FBLN5: variants seen among roughly 807,000 people sequenced by gnomAD.
FBLN5 encodes fibulin 5, also known as fibulin-5.
FBLN5 carries 24 observed loss-of-function variants against 61.6 expected under a neutral mutation model. The observed-to-expected ratio is 0.39, with a 90% CI of 0.28 to 0.55. The LOEUF (loss-of-function observed/expected upper bound fraction) is 0.55, where lower values mean the gene tolerates loss of function less well. Ranked by LOEUF, FBLN5 falls within the 20% of genes least tolerant of loss-of-function variation. The probability of loss-of-function intolerance (pLI) is 0.65; values close to 1 mark genes in which losing one functional copy is unlikely to be tolerated. For synonymous variants in FBLN5, 213 were observed against 219.8 expected, an observed-to-expected ratio of 0.97 and a Z score of 0.27; for missense variants, 470 against 594.1, an observed-to-expected ratio of 0.79 and a Z score of 2.17.
Position 91,891,317 on chromosome 14 carries a change from C to G in FBLN5, c.523G>C (p.Gly175Arg). The G allele has an allele frequency of 6.2e-7, 1 of 1,612,814 alleles. No individual in the cohort carries two copies. The highest frequency in any genetic ancestry group is 8.5e-7 in the Non-Finnish European group (1 of 1,178,830). The change falls in exon 6 of 11, where the codon GGT (glycine) becomes CGT (arginine). Residue 175 changes from glycine (G) to arginine (R), a missense_variant. Transcript: ENST00000342058. ...TTCGCACAGAGCTGCTGGCAGTAAC[C>G]ATAGCGACATTCATCAATGTCTGGA... ...QCLDIDECRY[G>R]YCQQLCANVP...
At position 91,909,119 on chromosome 14, in the gene FBLN5, G is replaced by A. The variant is rs867341860; in HGVS notation, c.380-14047C>T. 7.2e-5 allele frequency among the ~76,000 whole-genome samples: 11 copies of A among 151,948 alleles called. No homozygotes were observed. The East Asian group carries it at 7.7e-4, about 11-fold the overall frequency. On this transcript the variant is annotated intron_variant, in intron 4 of 10. Coordinates refer to ENST00000342058, the MANE Select transcript of FBLN5 (RefSeq NM_006329.4). ...TTTTTAGTAGAGATGGGGTTTCACC[G>A]TGTTAGCCAGGATGGTCTCAATCTC...
Position 91,895,029 on chromosome 14 carries a change from G to A in FBLN5, c.423C>T (p.Thr141=). 1 of 1,614,142 alleles carries A rather than the reference G, an allele frequency of 6.2e-7. No homozygotes were observed. Among genetic ancestry groups the A allele is most frequent in the Non-Finnish European group, 8.5e-7 (1 of 1,180,018 alleles). The change falls in exon 5 of 11, where the codon ACC becomes ACT. Residue 141 remains threonine, a synonymous_variant. Coordinates refer to ENST00000342058, the MANE Select transcript of FBLN5 (RefSeq NM_006329.4). ...CGCCTTCAGTATTGATGCAGATCTG[G>A]GTGGGGTTGCACTGGTGGGAATCTG... is the stretch of plus-strand genomic sequence containing the variant. ...CATDSHQCNP[T]QICINTEGGY... is the part of the protein sequence containing the mutation.
chr14:91,908,963 G>T (rs963801612), intron 4 of FBLN5, among the ~76,000 whole-genome samples: 6 of 151,816 alleles, frequency 4.0e-5, no homozygotes, highest in African/African-American at 1.5e-4. Context: ...CGTCGCTCAG[G>T]CTGGAGTGAA....
At chr14:91,918,418 G>A (rs1320967193) in intron 4 of FBLN5, among the ~76,000 whole-genome samples, 1 of 152,158 alleles carries the variant, frequency 6.6e-6, no homozygotes, top group Non-Finnish European at 1.5e-5. Context: ...GGGGGCGGAA[G>A]GAGGAGTATC....
At chr14:91,930,281 G>A (rs2268001) in intron 4 of FBLN5, among the ~76,000 whole-genome samples, 56,032 of 151,988 alleles carry the variant, frequency 0.37, 10,594 homozygotes, top group Middle Eastern at 0.49. Flanking sequence ...CCCTGTTTAC[G>A]GGAGGAAAAT....
At position 91,891,243 on chromosome 14, in the gene FBLN5, A is replaced by T; in HGVS notation, c.597T>A (p.Asn199Lys). ...SCTCNPGFTL[N>K]EDGRSCQDVN... ...TACCTTGGCAAGACCTTCCATCCTCATTGAGGGTAAAACCAGGGTTGCATG... is the reference window on the plus strand; with the variant it reads ...TACCTTGGCAAGACCTTCCATCCTCTTTGAGGGTAAAACCAGGGTTGCATG... The change falls in exon 6 of 11, where the codon AAT becomes AAA. Residue 199 changes from asparagine to lysine, a missense_variant. Asn to Lys is a moderately conservative substitution (Grantham distance 94). Coordinates refer to ENST00000342058, the MANE Select transcript of FBLN5 (RefSeq NM_006329.4). 1 of 1,610,962 alleles carries T rather than the reference A, an allele frequency of 6.2e-7. No individual in the cohort carries two copies. The highest frequency in any genetic ancestry group is 8.5e-7 in the Non-Finnish European group (1 of 1,177,084).
chr14:91,877,129 C>T (rs1048288253), intron 10 of FBLN5, among the ~76,000 whole-genome samples: 2 of 152,150 alleles, frequency 1.3e-5, no homozygotes, highest in African/African-American at 2.4e-5. Flanking sequence ...AGGCATCAGC[C>T]CCCGTGCCTG....
At chr14:91,895,811 A>G (rs1890200681) in intron 4 of FBLN5, among the ~76,000 whole-genome samples, 1 of 151,470 alleles carries the variant, frequency 6.6e-6, no homozygotes, top group Admixed American at 6.6e-5. Flanking sequence ...AAAAAAAAAA[A>G]AAAAAAAAAA....
chr14:91,915,755 A>C (rs1411999919), intron 4 of FBLN5, among the ~76,000 whole-genome samples: 2 of 151,982 alleles, frequency 1.3e-5, no homozygotes, highest in African/African-American at 2.4e-5. Context: ...CACACACCCA[A>C]AAATACCAAA....
intron 4 of FBLN5, among the ~76,000 whole-genome samples, chr14:91,922,311 A>AAAAT (rs1473050220): frequency 1.1e-4 from 14 of 129,298 alleles, no homozygotes; most frequent in Middle Eastern, 3.8e-3. Context: ...TAATAATAAT[A>AAAAT]AAGTAAATAA....
At chr14:91,878,528 A>G (rs1889278023) in intron 9 of FBLN5, among the ~76,000 whole-genome samples, 1 of 152,174 alleles carries the variant, frequency 6.6e-6, no homozygotes, top group African/African-American at 2.4e-5. Context: ...GTGGTGGCCA[A>G]CGCTAGGAGT....
intron 7 of FBLN5, among the ~76,000 whole-genome samples, chr14:91,886,712 T>C (rs1889742036): frequency 6.6e-6 from 1 of 152,202 alleles, no homozygotes; most frequent in Admixed American, 6.5e-5. Flanking sequence ...TGATTATTTG[T>C]AGAGATTTCA....
chr14:91,924,826 T>C (rs926683334), intron 4 of FBLN5, among the ~76,000 whole-genome samples: 9 of 152,166 alleles, frequency 5.9e-5, no homozygotes, highest in Admixed American at 1.3e-4. Flanking sequence ...AGCTCTCAGT[T>C]GCCCCAGGAG....
At chr14:91,877,083 T>A (rs1030327731) in intron 10 of FBLN5, among the ~76,000 whole-genome samples, 3 of 152,072 alleles carry the variant, frequency 2.0e-5, no homozygotes, top group Non-Finnish European at 2.9e-5. Flanking sequence ...GCTCAGACAA[T>A]CTGTCCACCT....
rs117570884 is a variant in FBLN5 at position 91,943,287 on chromosome 14, T to C, written c.18-326A>G. Among the ~76,000 whole-genome samples the C allele has an allele frequency of 0.094, 14,207 of 151,826 alleles. 857 individuals are homozygous for C. The highest frequency in any genetic ancestry group is 0.17 in the African/African-American group (6,875 of 41,364). The stretch of plus-strand genomic sequence containing the variant: ...ACTTTGAGAGGCTGAGGCAAGAGGA[T>C]TGCTTGAACCCAGGAGTTTGAGACA... On this transcript the variant is annotated intron_variant, in intron 1 of 10. Transcript: ENST00000342058. This position sits in a 1 kb window ranked among gnomAD's most constrained non-coding sequence, Gnocchi z 4.0.
intron 3 of FBLN5, among the ~76,000 whole-genome samples, 177 bp from the exon 4 acceptor site, chr14:91,937,378 T>G (rs2056037352): frequency 6.6e-6 from 1 of 152,102 alleles, no homozygotes; most frequent in Non-Finnish European, 1.5e-5. Context: ...AAGTAACCAG[T>G]GTCACTCAAA....
intron 4 of FBLN5, among the ~76,000 whole-genome samples, chr14:91,919,133 T>C (rs977649128): frequency 2.6e-5 from 4 of 151,340 alleles, no homozygotes; most frequent in Non-Finnish European, 4.4e-5. Flanking sequence ...GAGTTCGAGG[T>C]CAGCCAGGCC....
chr14:91,885,100 T>C (rs908643705), intron 7 of FBLN5, among the ~76,000 whole-genome samples: 4 of 151,918 alleles, frequency 2.6e-5, no homozygotes, highest in South Asian at 2.1e-4. Flanking sequence ...CCTGCGGAAA[T>C]GGAGAAGTGC....
chr14:91,941,752 C>G (rs963502449), intron 2 of FBLN5, among the ~76,000 whole-genome samples: 1 of 147,494 alleles, frequency 6.8e-6, no homozygotes, highest in African/African-American at 2.5e-5. Context: ...CGTAACTTTT[C>G]TATGCCTCAG....
Sources: allele counts gnomAD v4.1 joint callset (sites outside exome capture counted in the v4.1 genomes callset), GRCh38; gene constraint gnomAD v4.1.1; non-coding constraint Gnocchi (gnomAD v3.1); transcripts MANE v1.5; gene names NCBI Gene and HGNC (gene_info 2026-07-23, HGNC 2026-07-21).